Variants in PHF8 observed in about 807,000 individuals in gnomAD.
PHF8 encodes PHD finger protein 8.
PHF8 carries 9 observed loss-of-function variants against 74.4 expected under a neutral mutation model. The ratio of observed to expected loss-of-function variants is 0.12; its 90% CI spans 0.07 to 0.21. The LOEUF is 0.21. PHF8 is among the 10% of genes least tolerant of loss of function. PHF8 has a pLI of 1.00. For synonymous variants in PHF8, 311 were observed against 316.6 expected, an observed-to-expected ratio of 0.98 and a Z score of 0.19; for missense variants, 478 against 816.6, an observed-to-expected ratio of 0.59 and a Z score of 5.05.
chrX:53,973,449 T>C (rs782196619), intron 18 of PHF8, among the ~76,000 whole-genome samples: 201 of 111,265 alleles, frequency 1.8e-3, no homozygotes, highest in African/African-American at 6.2e-3. Flanking sequence ...GACAGACACA[T>C]AGACCAATGA....
At position 53,993,821 on chromosome X, in the gene PHF8, G is replaced by C; in HGVS notation, c.1406C>G (p.Thr469Ser). Residue 469 changes from threonine to serine, a missense_variant, in exon 13 of 22, where the codon ACC becomes AGC. Physicochemically the swap from Thr to Ser is moderately conservative, Grantham distance 58. Transcript: ENST00000338154. ...CACTGAAGTGGAATGGGCTGGCCTG[G>C]TTAGGGGAATGGAGCCGGCTGGGAA... ...RIFPAGSIPL[T>S]RPAHSTSVSM... The C allele has an allele frequency of 8.3e-7, 1 of 1,207,403 alleles. No homozygotes were observed. Among genetic ancestry groups the C allele is most frequent in the Non-Finnish European group, 1.1e-6 (1 of 891,202 alleles).
At chrX:53,959,872 A>G (rs1478616790) in intron 19 of PHF8, among the ~76,000 whole-genome samples, 2 of 106,142 alleles carry the variant, frequency 1.9e-5, no homozygotes, top group African/African-American at 6.8e-5. Flanking sequence ...TCAAAAAAAA[A>G]AAAAAAAAAA....
At chrX:54,039,476 T>TTA (rs2066517122) in intron 2 of PHF8, among the ~76,000 whole-genome samples, 1 of 111,990 alleles carries the variant, frequency 8.9e-6, no homozygotes, top group Non-Finnish European at 1.9e-5. Context: ...TTAACTTGTG[T>TTA]TAGAGTGTAC....
At chrX:54,035,382 A>T in intron 2 of PHF8, among the ~76,000 whole-genome samples, 1 of 109,964 alleles carries the variant, frequency 9.1e-6, no homozygotes, top group Non-Finnish European at 1.9e-5. Flanking sequence ...AAAGAAAAGT[A>T]AAGTTTCTAC....
rs782436470 is a variant in PHF8, at chrX:53,964,591, C to T, written c.2444-1652G>A. Among the ~76,000 whole-genome samples the T allele has an allele frequency of 4.5e-5, 5 of 111,367 alleles. No homozygotes were observed. The East Asian group carries it at 8.4e-4, about 19-fold the overall frequency. ...ATAGAAATAGAAAGTAGAGGTCGGG[C>T]GCAGTGGCTCATGCCTGTAATCCCT... On this transcript the variant is annotated intron_variant, in intron 18 of 21. Transcript: ENST00000338154.
intron 11 of PHF8, among the ~76,000 whole-genome samples, chrX:53,998,612 C>A (rs1557103539): frequency 9.0e-6 from 1 of 111,603 alleles, no homozygotes; most frequent in Non-Finnish European, 1.9e-5. Flanking sequence ...CATCCCAGAT[C>A]ATATATCCAG....
At chrX:53,950,292 A>C (rs1489537954) in intron 19 of PHF8, among the ~76,000 whole-genome samples, 2 of 111,996 alleles carry the variant, frequency 1.8e-5, no homozygotes, top group Non-Finnish European at 3.8e-5. Context: ...GTGTTTAAAA[A>C]AGAATTTTAA....
intron 7 of PHF8, among the ~76,000 whole-genome samples, chrX:54,013,678 C>T (rs901317956): frequency 2.1e-4 from 23 of 109,547 alleles, no homozygotes; most frequent in African/African-American, 6.3e-4. Flanking sequence ...ATTAGCTAGG[C>T]GTGGTGGTGG....
intron 19 of PHF8, among the ~76,000 whole-genome samples, chrX:53,956,099 T>C (rs1484609690): frequency 2.7e-5 from 3 of 110,536 alleles, no homozygotes; most frequent in East Asian, 5.6e-4. Flanking sequence ...ATACAAAAAT[T>C]AGCCAGGCAT....
At chrX:54,030,113 C>G (rs1325986510) in intron 2 of PHF8, among the ~76,000 whole-genome samples, 1 of 111,351 alleles carries the variant, frequency 9.0e-6, no homozygotes, top group Non-Finnish European at 1.9e-5. Flanking sequence ...TCAGCCTTCA[C>G]CACGAGGCCT....
intron 6 of PHF8, among the ~76,000 whole-genome samples, chrX:54,016,027 C>A (rs1051366485): frequency 4.5e-5 from 5 of 111,213 alleles, no homozygotes. Flanking sequence ...AGAAGGGTGT[C>A]CTAAGGTCTT....
rs187551286 is a variant in PHF8 at position 53,974,120 on chromosome X, C to T, written c.2443+10794G>A. ...TAAAAATACAAAAAAATTAGCTGGG[C>T]GTGGTGGCAGGCGCCTGTAGTCCCA... On this transcript the variant is annotated intron_variant, in intron 18 of 21. Transcript: ENST00000338154. 3.4e-3 allele frequency among the ~76,000 whole-genome samples: 380 copies of T among 110,225 alleles called. 2 individuals are homozygous for T. Among genetic ancestry groups the T allele is most frequent in the Non-Finnish European group, 3.6e-3 (190 of 52,713 alleles).
chrX:54,001,344 A>G (rs925074471), intron 10 of PHF8, among the ~76,000 whole-genome samples: 10 of 109,253 alleles, frequency 9.2e-5, no homozygotes, highest in African/African-American at 3.3e-4. Context: ...AAAAAGAAAA[A>G]AAAAAAGTAT....
chrX:54,017,310 G>A (rs2066087877), intron 5 of PHF8, among the ~76,000 whole-genome samples: 1 of 112,148 alleles, frequency 8.9e-6, no homozygotes, highest in Admixed American at 9.5e-5. Flanking sequence ...AGCTAGGCAT[G>A]GTGGTGCATC....
In PHF8 at chrX:53,940,160, C is replaced by T. The variant is rs782052660; in HGVS notation, c.2986+20G>A. ...GTGGCTCTAAGATCCTTCGGTTCTA[C>T]AACCATATGGCCGTTGTACCTTGTC... On this transcript the variant is annotated intron_variant, in intron 21 of 21. Coordinates refer to ENST00000338154, the MANE Select transcript of PHF8 (RefSeq NM_015107.3). The T allele has an allele frequency of 7.9e-6, 9 of 1,136,720 alleles. No individual in the cohort carries two copies. The highest frequency in any genetic ancestry group is 1.1e-5 in the Non-Finnish European group (9 of 845,034). 93.7% of individuals were successfully genotyped at this position (1,136,720 alleles called of 1,213,427 possible).
chrX:53,952,864 G>C (rs2149784872), intron 19 of PHF8, among the ~76,000 whole-genome samples: 1 of 102,035 alleles, frequency 9.8e-6, no homozygotes, highest in East Asian at 3.1e-4. Flanking sequence ...CTCCAATCTG[G>C]GCGACACAGC....
chrX:53,943,544 G>T (rs2064784220), intron 20 of PHF8: 3 of 505,764 alleles, frequency 5.9e-6, no homozygotes, highest in Non-Finnish European at 8.8e-6. Context: ...GAGCTAACGG[G>T]ATATTGATTG....
chrX:54,000,621 T>G (rs1432299202), intron 10 of PHF8, among the ~76,000 whole-genome samples: 1 of 112,714 alleles, frequency 8.9e-6, no homozygotes, highest in Non-Finnish European at 1.9e-5. Context: ...GCCCCTGAGA[T>G]TCTTTATAAC....
intron 18 of PHF8, among the ~76,000 whole-genome samples, chrX:53,980,309 T>C (rs1557097586): frequency 9.0e-6 from 1 of 111,019 alleles, no homozygotes; most frequent in Non-Finnish European, 1.9e-5. Flanking sequence ...ATGAGACCAT[T>C]AGAGTAGGCC....
Sources: gnomAD v4.1 joint callset for allele counts (sites outside exome capture counted in the v4.1 genomes callset) on GRCh38, gnomAD v4.1.1 for gene constraint, MANE v1.5 for transcripts, NCBI Gene and HGNC (gene_info 2026-07-23, HGNC 2026-07-21) for gene names.